NEK5: variants seen among roughly 807,000 people sequenced by gnomAD.
NEK5 encodes NIMA related kinase 5.
NEK5 carries 88 observed loss-of-function variants against 109.2 expected under a neutral mutation model. The observed-to-expected ratio is 0.81, with a 90% CI of 0.68 to 0.96. NEK5 has a LOEUF of 0.96. NEK5 is among the 40% of genes least tolerant of loss of function. The pLI, the probability that NEK5 is intolerant of heterozygous loss-of-function variation, is 0.00. For missense variants in NEK5, 834 were observed against 920.7 expected, an observed-to-expected ratio of 0.91 and a Z score of 1.22; for synonymous variants, 283 against 299.9, an observed-to-expected ratio of 0.94 and a Z score of 0.58.
intron 20 of NEK5, among the ~76,000 whole-genome samples, chr13:52,067,234 A>G (rs1331038402): frequency 3.9e-5 from 6 of 152,222 alleles, no homozygotes; most frequent in African/African-American, 1.4e-4. Flanking sequence ...ATCTCCCTAT[A>G]CCATTAAAAA....
chr13:52,122,928 C>T (rs1955998320), intron 3 of NEK5, among the ~76,000 whole-genome samples: 1 of 152,130 alleles, frequency 6.6e-6, no homozygotes, highest in South Asian at 2.1e-4. Context: ...CTTATTTTCT[C>T]CTTTGGCTCT....
chr13:52,066,758 C>T (rs1998696), intron 20 of NEK5, among the ~76,000 whole-genome samples: 1 of 150,744 alleles, frequency 6.6e-6, no homozygotes, highest in Admixed American at 6.6e-5. Flanking sequence ...GAGCCGAGAT[C>T]ACGCCTTTGC....
intron 16 of NEK5, among the ~76,000 whole-genome samples, chr13:52,084,760 A>AGTGTGT (rs1487694445): frequency 1.9e-3 from 69 of 36,646 alleles, no homozygotes; most frequent in South Asian, 4.6e-3. Flanking sequence ...AGAGAGAGAG[A>AGTGTGT]GAGTGTGTGT....
At position 52,076,173 on chromosome 13, in the gene NEK5, T is replaced by C. The variant is rs756786848; in HGVS notation, c.1573-30A>G. ...AAATTTAGAGAAAAATACAATTCTCTCACTGTATGTTTACATGAGTTGATT... is the reference window on the plus strand; with the variant it reads ...AAATTTAGAGAAAAATACAATTCTCCCACTGTATGTTTACATGAGTTGATT... On this transcript the variant is annotated intron_variant, in intron 17 of 23. Coordinates refer to ENST00000684899, the MANE Select transcript of NEK5 (RefSeq NM_001365552.1). The C allele has an allele frequency of 4.9e-6, 6 of 1,235,960 alleles. No homozygotes were observed. The South Asian group carries it at 5.1e-5, about 10-fold the overall frequency. The allele number at this position is 1,235,960 out of a possible 1,614,324, so 76.6% of individuals were successfully genotyped here.
At chr13:52,058,853 G>A (rs1186073247) in intron 22 of NEK5, among the ~76,000 whole-genome samples, 1 of 152,076 alleles carries the variant, frequency 6.6e-6, no homozygotes, top group Non-Finnish European at 1.5e-5. Flanking sequence ...AAAAACCATA[G>A]AAGAAAACCT....
At chr13:52,063,589 A>C (rs1954634288) in intron 21 of NEK5, among the ~76,000 whole-genome samples, 1 of 145,604 alleles carries the variant, frequency 6.9e-6, no homozygotes, top group African/African-American at 2.6e-5. Context: ...GAAAGTGAGG[A>C]GCGTCTCTGC....
chr13:52,065,631 A>G, intron 20 of NEK5, 22 bp from the exon 21 acceptor site: 2 of 1,568,074 alleles, frequency 1.3e-6, no homozygotes, highest in Non-Finnish European at 1.8e-6. Context: ...AAAACAACTC[A>G]TTAATTCGAA....
intron 3 of NEK5, among the ~76,000 whole-genome samples, chr13:52,123,934 A>T (rs1362853325): frequency 6.6e-6 from 1 of 152,104 alleles, no homozygotes; most frequent in East Asian, 1.9e-4. Context: ...GGGGAAAAAA[A>T]GTAGGGTATG....
intron 8 of NEK5, 25 bp from the exon 9 acceptor site, chr13:52,104,577 C>T: frequency 1.3e-6 from 2 of 1,510,210 alleles, no homozygotes; most frequent in Non-Finnish European, 1.8e-6. Context: ...AGTTTACATG[C>T]CAAGAAAATA....
In NEK5 at chr13:52,065,459, C is replaced by T. The variant is rs200564973; in HGVS notation, c.1975+25G>A. ...CGGGTCCTTGGTCTTCCCTTCCTGACGACTGACGCTAAGCACAGACTCACT... is the reference window on the plus strand; with the variant it reads ...CGGGTCCTTGGTCTTCCCTTCCTGATGACTGACGCTAAGCACAGACTCACT... On this transcript the variant is annotated intron_variant, in intron 21 of 23. Coordinates refer to ENST00000684899, the MANE Select transcript of NEK5 (RefSeq NM_001365552.1). The T allele has an allele frequency of 3.7e-4, 600 of 1,614,186 alleles. 1 individual carries two copies. Among genetic ancestry groups the T allele is most frequent in the Non-Finnish European group, 4.6e-4 (545 of 1,180,004 alleles).
intron 23 of NEK5, among the ~76,000 whole-genome samples, chr13:52,039,014 C>G (rs543535128): frequency 1.3e-5 from 2 of 152,036 alleles, no homozygotes; most frequent in African/African-American, 4.8e-5. Context: ...AAACAGGAGA[C>G]AGGTGGAATA....
At chr13:52,064,518 T>C (rs1197242313) in intron 21 of NEK5, among the ~76,000 whole-genome samples, 366 of 122,146 alleles carry the variant, frequency 3.0e-3, no homozygotes, top group South Asian at 5.7e-3. Context: ...GCCCCCCGCC[T>C]GGCCAGCCGC....
intron 4 of NEK5, among the ~76,000 whole-genome samples, chr13:52,116,667 GTGT>G (rs1566824110): frequency 6.6e-6 from 1 of 152,132 alleles, no homozygotes; most frequent in African/African-American, 2.4e-5. Context: ...TAATAAATAG[GTGT>G]TGTTGTTAAG....
intron 8 of NEK5, among the ~76,000 whole-genome samples, chr13:52,104,799 A>G (rs1955619108): frequency 6.6e-6 from 1 of 152,216 alleles, no homozygotes; most frequent in Non-Finnish European, 1.5e-5. Flanking sequence ...TGGTGGCTTA[A>G]TATTTAGTTC....
At position 52,112,380 on chromosome 13, in the gene NEK5, A is replaced by T; in HGVS notation, c.215-15T>A. ...CCTGCCATTCTCTGTAAGAAAAGGA[A>T]TCATTTGGTGCTGGAAGGATTTCAG... On this transcript the variant is annotated splice_polypyrimidine_tract_variant and intron_variant, in intron 4 of 23. Transcript: ENST00000684899. 1 of 1,500,154 alleles carries T rather than the reference A, an allele frequency of 6.7e-7. No homozygotes were observed. The highest frequency in any genetic ancestry group is 9.3e-7 in the Non-Finnish European group (1 of 1,076,744). 92.9% of individuals were successfully genotyped at this position (1,500,154 alleles called of 1,614,324 possible).
chr13:52,104,993 A>T (rs1955621539), intron 8 of NEK5, among the ~76,000 whole-genome samples: 1 of 152,252 alleles, frequency 6.6e-6, no homozygotes, highest in African/African-American at 2.4e-5. Flanking sequence ...ATAGTATCTG[A>T]TTCTCAATAA....
intron 17 of NEK5, among the ~76,000 whole-genome samples, chr13:52,079,946 G>A (rs1280406077): frequency 6.6e-6 from 1 of 151,852 alleles, no homozygotes; most frequent in Non-Finnish European, 1.5e-5. Flanking sequence ...CCTCTACCCG[G>A]CCGCGACCCT....
chr13:52,109,710 CAG>C (rs1955720852), intron 7 of NEK5, among the ~76,000 whole-genome samples: 1 of 152,124 alleles, frequency 6.6e-6, no homozygotes, highest in Non-Finnish European at 1.5e-5. Flanking sequence ...TATCTTAACC[CAG>C]ACACTCCCTT....
At chr13:52,128,324 C>A (rs1956108641) in intron 1 of NEK5, among the ~76,000 whole-genome samples, 1 of 152,038 alleles carries the variant, frequency 6.6e-6, no homozygotes. Context: ...CTCCTGGTCC[C>A]GGAGACCCAA....
Sources: gnomAD v4.1 joint callset for allele counts (sites outside exome capture counted in the v4.1 genomes callset) on GRCh38, gnomAD v4.1.1 for gene constraint, MANE v1.5 for transcripts, NCBI Gene and HGNC (gene_info 2026-07-23, HGNC 2026-07-21) for gene names.